Variants in ST18 observed in about 807,000 individuals in gnomAD.
ST18 encodes ST18 C2H2C-type zinc finger transcription factor.
Under a neutral mutation model 110.0 loss-of-function variants are expected in ST18, and 50 were observed. The observed-to-expected ratio is 0.45, with a 90% CI of 0.36 to 0.58. The LOEUF (loss-of-function observed/expected upper bound fraction) is 0.58, where lower values mean the gene tolerates loss of function less well. Among genes scored for constraint, ST18 ranks in the 20% least tolerant of loss-of-function variants. ST18 has a pLI of 0.00. For synonymous variants in ST18, 461 were observed against 452.4 expected (o/e 1.02, Z -0.24); for missense variants, 1,306 against 1,280.1 (o/e 1.02, Z -0.31).
intron 16 of ST18, among the ~76,000 whole-genome samples, chr8:52,146,107 T>C (rs964419170): frequency 2.6e-5 from 4 of 152,128 alleles, no homozygotes; most frequent in South Asian, 2.1e-4. Flanking sequence ...GAGAGGGAAG[T>C]GGCAAAGGGA....
intron 8 of ST18, among the ~76,000 whole-genome samples, chr8:52,208,273 C>T (rs939588995): frequency 1.3e-5 from 2 of 152,130 alleles, no homozygotes; most frequent in Admixed American, 6.5e-5. Flanking sequence ...AATAAAGTTG[C>T]CAGTGTTCTC....
intron 2 of ST18, among the ~76,000 whole-genome samples, chr8:52,343,222 A>G (rs1363577929): frequency 6.6e-6 from 1 of 152,138 alleles, no homozygotes; most frequent in African/African-American, 2.4e-5. Context: ...TGCCCTGCGT[A>G]TGGAAATAAA....
At chr8:52,196,512 T>G (rs1433579033) in intron 8 of ST18, among the ~76,000 whole-genome samples, 1 of 152,168 alleles carries the variant, frequency 6.6e-6, no homozygotes, top group Non-Finnish European at 1.5e-5. Context: ...TGTCCGTGCT[T>G]TCATTTTCCA....
chr8:52,283,169 A>C (rs2095414630), intron 2 of ST18, among the ~76,000 whole-genome samples: 1 of 152,218 alleles, frequency 6.6e-6, no homozygotes, highest in African/African-American at 2.4e-5. Flanking sequence ...GAGAAGTCAA[A>C]GATGGCTCCA....
At chr8:52,205,583 T>C (rs565516184) in intron 8 of ST18, among the ~76,000 whole-genome samples, 1 of 152,270 alleles carries the variant, frequency 6.6e-6, no homozygotes, top group South Asian at 2.1e-4. Context: ...TATTTTATTT[T>C]TGATGGAGTC....
chr8:52,372,341 CAGAA>C (rs1423513414), intron 2 of ST18, among the ~76,000 whole-genome samples: 1 of 152,008 alleles, frequency 6.6e-6, no homozygotes, highest in Non-Finnish European at 1.5e-5. Context: ...TTACAGGAGT[CAGAA>C]AGCTGAAAAA....
At chr8:52,267,321 T>C (rs1234120389) in intron 2 of ST18, among the ~76,000 whole-genome samples, 1 of 151,600 alleles carries the variant, frequency 6.6e-6, no homozygotes, top group Non-Finnish European at 1.5e-5. Context: ...TCCGGGAATA[T>C]GTAGGAGTAC....
intron 2 of ST18, among the ~76,000 whole-genome samples, chr8:52,401,276 C>T (rs1220070266): frequency 6.6e-6 from 1 of 152,108 alleles, no homozygotes; most frequent in Non-Finnish European, 1.5e-5. Context: ...TGATTTCTGA[C>T]ATTTTTATTG....
At chr8:52,269,299 G>A (rs925784400) in intron 2 of ST18, among the ~76,000 whole-genome samples, 19 of 152,174 alleles carry the variant, frequency 1.2e-4, no homozygotes, top group African/African-American at 4.6e-4. Context: ...GCCTGAATCC[G>A]ATGGTTTTCT....
At chr8:52,388,441 A>T (rs1232695179) in intron 2 of ST18, among the ~76,000 whole-genome samples, 2 of 152,204 alleles carry the variant, frequency 1.3e-5, no homozygotes, top group South Asian at 2.1e-4. Context: ...GTAAAGTGCC[A>T]TATTTATAGG....
intron 2 of ST18, among the ~76,000 whole-genome samples, chr8:52,392,326 GGTA>G (rs1480543315): frequency 1.3e-5 from 2 of 152,056 alleles, no homozygotes; most frequent in African/African-American, 2.4e-5. Context: ...TGGTGTTGGT[GGTA>G]GTAGTGGTGG....
In ST18 at chr8:52,139,679, C is replaced by T. The variant is rs545188498; in HGVS notation, c.2169-2196G>A. Among the ~76,000 whole-genome samples, 9 of 147,830 alleles carry T rather than the reference C, an allele frequency of 6.1e-5. No individual in the cohort carries two copies. In the East Asian group the frequency reaches 1.2e-3, roughly 19 times the overall value. ...CCTATTTTATATTTTTAAATTACTCCGATTAATATTGCCAGGAGAAGCCAA... is the reference window on the plus strand; with the variant it reads ...CCTATTTTATATTTTTAAATTACTCTGATTAATATTGCCAGGAGAAGCCAA... On this transcript the variant is annotated intron_variant, in intron 17 of 25. Coordinates refer to ENST00000689386, the MANE Select transcript of ST18 (RefSeq NM_001352837.2).
intron 2 of ST18, among the ~76,000 whole-genome samples, chr8:52,261,346 G>A: frequency 6.6e-6 from 1 of 152,110 alleles, no homozygotes. Context: ...TGGATTTGGT[G>A]AGTCTCCTGT....
chr8:52,332,611 G>A (rs1810090246), intron 2 of ST18, among the ~76,000 whole-genome samples: 1 of 149,484 alleles, frequency 6.7e-6, no homozygotes, highest in Non-Finnish European at 1.5e-5. Flanking sequence ...CCAGCACTTT[G>A]GGAGGCCAAG....
intron 8 of ST18, chr8:52,209,896 C>G (rs2081560813): frequency 3.0e-6 from 1 of 332,310 alleles, no homozygotes; most frequent in African/African-American, 2.2e-5. Flanking sequence ...AACATTTCTT[C>G]CCACAAATTT....
chr8:52,195,421 A>G (rs2075892570), intron 8 of ST18, among the ~76,000 whole-genome samples: 1 of 152,040 alleles, frequency 6.6e-6, no homozygotes, highest in Non-Finnish European at 1.5e-5. Context: ...CTTTATATTT[A>G]TTTTTCAAAC....
intron 2 of ST18, among the ~76,000 whole-genome samples, chr8:52,391,826 C>T (rs1416539882): frequency 6.6e-6 from 1 of 152,076 alleles, no homozygotes; most frequent in Non-Finnish European, 1.5e-5. Flanking sequence ...ACCCAAGGAA[C>T]CCTGGGGAAG....
intron 2 of ST18, among the ~76,000 whole-genome samples, chr8:52,342,942 T>C (rs1564535446): frequency 6.6e-6 from 1 of 152,142 alleles, no homozygotes; most frequent in Non-Finnish European, 1.5e-5. Flanking sequence ...AAGAACAAGG[T>C]ATATTTTCAT....
chr8:52,218,714 G>A (rs1281937872), intron 5 of ST18, among the ~76,000 whole-genome samples: 1 of 151,912 alleles, frequency 6.6e-6, no homozygotes, highest in African/African-American at 2.4e-5. Flanking sequence ...CTCTTAATTT[G>A]AGAAGTCCAT....
Sources: allele counts gnomAD v4.1 joint callset (sites outside exome capture counted in the v4.1 genomes callset), GRCh38; gene constraint gnomAD v4.1.1; transcripts MANE v1.5; gene names NCBI Gene and HGNC (gene_info 2026-07-23, HGNC 2026-07-21).